ASCC3: variants seen among roughly 807,000 people sequenced by gnomAD.
ASCC3 encodes ASC-1 complex subunit P200.
Under a neutral mutation model 256.3 loss-of-function variants are expected in ASCC3, and 158 were observed. That is an observed-to-expected ratio of 0.62 (90% CI 0.54 to 0.70). The LOEUF (loss-of-function observed/expected upper bound fraction) is 0.70, where lower values mean the gene tolerates loss of function less well. Among genes scored for constraint, ASCC3 ranks in the 30% least tolerant of loss-of-function variants. The pLI, the probability that ASCC3 is intolerant of heterozygous loss-of-function variation, is 0.00. For synonymous variants in ASCC3, 948 were observed against 883.4 expected, an observed-to-expected ratio of 1.07 and a Z score of -1.30; for missense variants, 2,259 against 2,626.0, an observed-to-expected ratio of 0.86 and a Z score of 3.05.
intron 16 of ASCC3, among the ~76,000 whole-genome samples, chr6:100,660,502 TA>T (rs1776141532): frequency 6.6e-6 from 1 of 151,764 alleles, no homozygotes; most frequent in South Asian, 2.1e-4. Context: ...GCTATCATAA[TA>T]TTTCCTTTGG....
chr6:100,828,626 G>A (rs1321695817), intron 4 of ASCC3, among the ~76,000 whole-genome samples: 2 of 152,026 alleles, frequency 1.3e-5, no homozygotes, highest in Non-Finnish European at 1.5e-5. Context: ...GTGAAGCTGC[G>A]GATCTTCGCG....
rs191677813 is a variant in ASCC3, at chr6:100,772,017, C to G, written c.1396-4672G>C. 1.8e-3 allele frequency among the ~76,000 whole-genome samples: 277 copies of G among 151,760 alleles called. 1 individual carries two copies. Among genetic ancestry groups the G allele is most frequent in the Admixed American group, 3.3e-3 (50 of 15,234 alleles). On this transcript the variant is annotated intron_variant, in intron 8 of 41. Coordinates refer to ENST00000369162, the MANE Select transcript of ASCC3 (RefSeq NM_006828.4). Reference sequence around the variant, plus strand: ...GCCTCAGCCTCCGGAGTAGCTGGGACTACAGGCGCCAGCCACCAGGCATGG... The same window carrying G: ...GCCTCAGCCTCCGGAGTAGCTGGGAGTACAGGCGCCAGCCACCAGGCATGG...
chr6:100,825,582 T>C (rs1313057996), intron 4 of ASCC3, among the ~76,000 whole-genome samples: 1 of 152,196 alleles, frequency 6.6e-6, no homozygotes, highest in Non-Finnish European at 1.5e-5. Flanking sequence ...TTATGTGTCT[T>C]GAGGTTGCTC....
At chr6:100,826,076 T>C (rs377494141) in intron 4 of ASCC3, among the ~76,000 whole-genome samples, 1 of 151,936 alleles carries the variant, frequency 6.6e-6, no homozygotes, top group East Asian at 1.9e-4. Context: ...CAAAAGCCTT[T>C]GGTTTTAATT....
intron 3 of ASCC3, among the ~76,000 whole-genome samples, chr6:100,853,954 A>G (rs1053825708): frequency 3.3e-5 from 5 of 152,206 alleles, no homozygotes; most frequent in African/African-American, 1.2e-4. Context: ...AAATGATTCA[A>G]CTTGAATATA....
At chr6:100,789,901 A>G (rs899607357) in intron 8 of ASCC3, among the ~76,000 whole-genome samples, 1 of 151,990 alleles carries the variant, frequency 6.6e-6, no homozygotes, top group African/African-American at 2.4e-5. Flanking sequence ...AAATTTACCA[A>G]GAACGTGAGA....
intron 8 of ASCC3, among the ~76,000 whole-genome samples, chr6:100,789,319 T>C (rs1238736792): frequency 2.0e-5 from 3 of 151,636 alleles, no homozygotes; most frequent in Admixed American, 2.0e-4. Context: ...GGGGAAGGAG[T>C]TAGTCACAGA....
At chr6:100,528,110 C>T (rs187396885) in intron 37 of ASCC3, among the ~76,000 whole-genome samples, 189 of 152,110 alleles carry the variant, frequency 1.2e-3, no homozygotes, top group African/African-American at 4.4e-3. Flanking sequence ...CTGTTGGGAT[C>T]ACTGGCATGA....
intron 8 of ASCC3, among the ~76,000 whole-genome samples, chr6:100,797,027 CTTT>C (rs371533330): frequency 2.0e-5 from 3 of 152,038 alleles, no homozygotes; most frequent in Non-Finnish European, 4.4e-5. Context: ...CAGAAAAACT[CTTT>C]TACTCCAAGA....
At chr6:100,530,369 T>G in intron 37 of ASCC3, 1 of 1,261,462 alleles carries the variant, frequency 7.9e-7, no homozygotes, top group East Asian at 2.3e-5. Flanking sequence ...GTTGTCTATC[T>G]CAAAATGACT....
At chr6:100,578,072 G>C (rs1158200815) in intron 36 of ASCC3, among the ~76,000 whole-genome samples, 4 of 151,904 alleles carry the variant, frequency 2.6e-5, no homozygotes, top group African/African-American at 9.7e-5. Context: ...ACTGTCTGTT[G>C]TCTCCATTCT....
chr6:100,600,345 T>A (rs1442528396), intron 34 of ASCC3, among the ~76,000 whole-genome samples: 1 of 152,066 alleles, frequency 6.6e-6, no homozygotes, highest in African/African-American at 2.4e-5. Flanking sequence ...CTTCCATATA[T>A]TCAATATCAA....
chr6:100,722,088 G>A (rs994115896), intron 11 of ASCC3, among the ~76,000 whole-genome samples: 39 of 151,802 alleles, frequency 2.6e-4, no homozygotes, highest in African/African-American at 9.2e-4. Context: ...ATTGAAGAGG[G>A]AGTCCTTTCC....
At chr6:100,599,297 T>C (rs1440462346) in intron 34 of ASCC3, among the ~76,000 whole-genome samples, 5 of 152,152 alleles carry the variant, frequency 3.3e-5, no homozygotes, top group African/African-American at 9.7e-5. Context: ...AATTTGAATT[T>C]AGTGATGAGG....
chr6:100,819,284 T>C (rs1447873523), intron 4 of ASCC3, among the ~76,000 whole-genome samples: 5 of 152,142 alleles, frequency 3.3e-5, no homozygotes, highest in African/African-American at 1.2e-4. Context: ...CTACACGTTG[T>C]GCACATGTAC....
Position 100,629,199 on chromosome 6 carries a change from A to T in ASCC3, c.4209-18T>A. On this transcript the variant is annotated intron_variant, in intron 26 of 41. Transcript: ENST00000369162. ...CAATAACTCTGGAGGGAAATATAAC[A>T]ATGATCCCAGAAACTTTTCAGGTAA... is the stretch of plus-strand genomic sequence containing the variant. The T allele has an allele frequency of 1.2e-6, 2 of 1,610,750 alleles. No homozygotes were observed. The highest frequency in any genetic ancestry group is 1.7e-6 in the Non-Finnish European group (2 of 1,177,804).
At chr6:100,688,523 C>A (rs1397694717) in intron 13 of ASCC3, among the ~76,000 whole-genome samples, 3 of 152,112 alleles carry the variant, frequency 2.0e-5, no homozygotes, top group African/African-American at 7.2e-5. Context: ...AAGAGATGAA[C>A]ATTACTATTA....
Position 100,681,275 on chromosome 6 carries a change from C to T in ASCC3, c.2152-1523G>A, listed in dbSNP as rs138446080. Among the ~76,000 whole-genome samples the T allele has an allele frequency of 6.6e-4, 101 of 152,048 alleles. 1 individual carries two copies. The highest frequency in any genetic ancestry group is 2.3e-3 in the African/African-American group (95 of 41,482). On this transcript the variant is annotated intron_variant, in intron 13 of 41. Coordinates refer to ENST00000369162, the MANE Select transcript of ASCC3 (RefSeq NM_006828.4). ...CTCAAAACAAAGCAAAACAAAAAAA[C>T]CCAAAATGTTTACAGAAAAACAAAA...
chr6:100,701,611 CAG>C (rs565023993), intron 13 of ASCC3, among the ~76,000 whole-genome samples: 63 of 152,102 alleles, frequency 4.1e-4, no homozygotes, highest in African/African-American at 1.2e-3. Flanking sequence ...TGAGCAAAAC[CAG>C]AGACAGCCCT....
Sources: gnomAD v4.1 joint callset for allele counts (sites outside exome capture counted in the v4.1 genomes callset) on GRCh38, gnomAD v4.1.1 for gene constraint, MANE v1.5 for transcripts, NCBI Gene and HGNC (gene_info 2026-07-23, HGNC 2026-07-21) for gene names.